Variants in ZMYND15 observed in about 807,000 individuals in gnomAD.
ZMYND15 encodes zinc finger MYND domain-containing protein 15.
Under a neutral mutation model 81.7 loss-of-function variants are expected in ZMYND15, and 54 were observed. The observed-to-expected ratio is 0.66, with a 90% CI of 0.53 to 0.83. ZMYND15 has a LOEUF of 0.83. Ranked by LOEUF, ZMYND15 falls within the 40% of genes least tolerant of loss-of-function variation. ZMYND15 has a pLI of 0.00. For missense variants in ZMYND15, 925 were observed against 973.5 expected, an observed-to-expected ratio of 0.95 and a Z score of 0.66; for synonymous variants, 399 against 387.0, an observed-to-expected ratio of 1.03 and a Z score of -0.36.
intron 5 of ZMYND15, 136 bp downstream of exon 5, chr17:4,742,627 G>T: frequency 8.1e-7 from 1 of 1,230,936 alleles, no homozygotes; most frequent in Non-Finnish European, 1.1e-6. Flanking sequence ...TGGAACAAGG[G>T]CAGGGGCTGG....
At position 4,743,518 on chromosome 17, in the gene ZMYND15, T is replaced by C; in HGVS notation, c.1297+63T>C. ...AGAGGGAAGGACTGGGAAGAAGTTG[T>C]CTGGGTCCCAGATGATCCCTCCACA... On this transcript the variant is annotated intron_variant, in intron 6 of 13. Transcript: ENST00000433935. This position sits in a 1 kb window ranked among gnomAD's most constrained non-coding sequence, Gnocchi z 4.3. The C allele has an allele frequency of 5.6e-6, 9 of 1,595,118 alleles. No homozygotes were observed. Among genetic ancestry groups the C allele is most frequent in the Non-Finnish European group, 7.7e-6 (9 of 1,172,416 alleles).
chr17:4,742,273 C>T, intron 4 of ZMYND15, 58 bp from the exon 5 acceptor site: 1 of 1,595,192 alleles, frequency 6.3e-7, no homozygotes, highest in Non-Finnish European at 8.6e-7. Context: ...GGCAGTTGAA[C>T]AGCAGACAGG....
In ZMYND15 at chr17:4,745,244, G is replaced by C; in HGVS notation, c.1926G>C (p.Glu642Asp). Residue 642 changes from glutamate to aspartate, a missense_variant, in exon 13 of 14, where the codon GAG (glutamate) becomes GAC (aspartate). Transcript: ENST00000433935. The surrounding 1 kb of genome is among the most constrained non-coding windows in gnomAD (Gnocchi z 5.2). ...QSLRVPAFFT[E>D]SSEYSCVMDG... is the part of the protein sequence containing the mutation. ...TCCGAGTGCCAGCCTTCTTCACCGA[G>C]AGCAGCGAGTACAGCTGTGTGATGG... 6.2e-7 allele frequency: 1 copy of C among 1,614,004 alleles called. No homozygotes were observed. The highest frequency in any genetic ancestry group is 8.5e-7 in the Non-Finnish European group (1 of 1,179,978).
Position 4,743,317 on chromosome 17 carries a change from A to C in ZMYND15, c.1159A>C (p.Thr387Pro). ...TCCTTCTCCAGAGGTGACCAGTGAA[A>C]CCTTCAACAAAGAGGCCTTCCTGGC... The part of the protein sequence containing the change: ...FTYTAEVTSE[T>P]FNKEAFLASR... The change falls in exon 6 of 14, where the codon ACC becomes CCC. Residue 387 changes from threonine (T) to proline (P), a missense_variant. Coordinates refer to ENST00000433935, the MANE Select transcript of ZMYND15 (RefSeq NM_001136046.3). The surrounding 1 kb of genome is among the most constrained non-coding windows in gnomAD (Gnocchi z 4.3). The C allele has an allele frequency of 1.2e-6, 2 of 1,613,560 alleles. No individual in the cohort carries two copies. The highest frequency in any genetic ancestry group is 1.7e-6 in the Non-Finnish European group (2 of 1,179,870).
chr17:4,743,463 G>A lies in ZMYND15; in HGVS notation c.1297+8G>A. On this transcript the variant is annotated splice_region_variant and intron_variant, in intron 6 of 13. Coordinates refer to ENST00000433935, the MANE Select transcript of ZMYND15 (RefSeq NM_001136046.3). The surrounding 1 kb of genome is among the most constrained non-coding windows in gnomAD (Gnocchi z 4.3). ...TCAGCCTTCTTCGCGGTGGTGCGTG[G>A]GGTCTCTCCAGGCATGGGCCCCTTG... The A allele has an allele frequency of 6.2e-7, 1 of 1,613,630 alleles. No homozygotes were observed. Among genetic ancestry groups the A allele is most frequent in the African/African-American group, 1.3e-5 (1 of 74,982 alleles).
chr17:4,742,589 G>C, intron 5 of ZMYND15, 98 bp downstream of exon 5: 1 of 1,479,900 alleles, frequency 6.8e-7, no homozygotes, highest in Non-Finnish European at 9.2e-7. Flanking sequence ...GTTGAAGGCT[G>C]AGTGTCTGGG....
rs768649378 is a variant in ZMYND15 at position 4,743,720 on chromosome 17, G to C, written c.1298-47G>C. 1 of 1,563,302 alleles carries C rather than the reference G, an allele frequency of 6.4e-7. No homozygotes were observed. The highest frequency in any genetic ancestry group is 8.7e-7 in the Non-Finnish European group (1 of 1,147,232). On this transcript the variant is annotated intron_variant, in intron 6 of 13. Coordinates refer to ENST00000433935, the MANE Select transcript of ZMYND15 (RefSeq NM_001136046.3). This position sits in a 1 kb window ranked among gnomAD's most constrained non-coding sequence, Gnocchi z 4.3. ...TGGAAGGAAGAAAGAGATGGGTCAG[G>C]TGGGGGTCTCCCTGACCCCAGGCCC...
rs1916420627 is a variant in ZMYND15 at position 4,741,673 on chromosome 17, G to C, written c.684G>C (p.Gln228His). 6.2e-7 allele frequency: 1 copy of C among 1,614,022 alleles called. No individual in the cohort carries two copies. The highest frequency in any genetic ancestry group is 1.1e-5 in the South Asian group (1 of 91,086). ...TTGATCTGCTAGTGGATGGAGCCCA[G>C]GGAACCGCAAGCTGGGGCTCAGGGA... is the stretch of plus-strand genomic sequence containing the variant. The part of the protein sequence containing the change: ...LGIDLLVDGA[Q>H]GTASWGSGTK... Residue 228 changes from glutamine to histidine, a missense_variant, in exon 3 of 14, where the codon CAG becomes CAC. Physicochemically the swap from Gln to His is conservative, Grantham distance 24. Coordinates refer to ENST00000433935, the MANE Select transcript of ZMYND15 (RefSeq NM_001136046.3).
In ZMYND15 at chr17:4,743,497, G is replaced by A. The variant is rs1173719270; in HGVS notation, c.1297+42G>A. On this transcript the variant is annotated intron_variant, in intron 6 of 13. Transcript: ENST00000433935. This position sits in a 1 kb window ranked among gnomAD's most constrained non-coding sequence, Gnocchi z 4.3. ...CAGGCATGGGCCCCTTGGCCTAGAG[G>A]GAAGGACTGGGAAGAAGTTGTCTGG... The A allele has an allele frequency of 3.1e-6, 5 of 1,605,632 alleles. No individual in the cohort carries two copies. Among genetic ancestry groups the A allele is most frequent in the Non-Finnish European group, 4.2e-6 (5 of 1,177,030 alleles).
At position 4,743,612 on chromosome 17, in the gene ZMYND15, C is replaced by T; in HGVS notation, c.1298-155C>T. ...TTTCCCAGCCCTCAATGGAATCACC[C>T]CTACCAACTCCACCCAGAAACCCCA... On this transcript the variant is annotated intron_variant, in intron 6 of 13. Transcript: ENST00000433935. The surrounding 1 kb of genome is among the most constrained non-coding windows in gnomAD (Gnocchi z 4.3). 1 of 1,290,672 alleles carries T rather than the reference C, an allele frequency of 7.7e-7. No homozygotes were observed. The highest frequency in any genetic ancestry group is 2.5e-5 in the Admixed American group (1 of 40,270). The allele number at this position is 1,290,672 out of a possible 1,614,324, so 80.0% of individuals were successfully genotyped here. A position where few individuals can be genotyped will look rare whatever the true frequency, so the allele number is the denominator to read the frequency against.
At chr17:4,740,149 C>A (rs1374250650) in intron 1 of ZMYND15, 99 bp downstream of exon 1, 7 of 883,400 alleles carry the variant, frequency 7.9e-6, no homozygotes, top group Non-Finnish European at 9.5e-6. Context: ...CACTCCCATA[C>A]CCCACAGACG....
Position 4,742,038 on chromosome 17 carries a change from C to T in ZMYND15, c.951C>T (p.His317=). The change falls in exon 4 of 14, where the codon CAC becomes CAT. Residue 317 remains histidine (H), a synonymous_variant. Coordinates refer to ENST00000433935, the MANE Select transcript of ZMYND15 (RefSeq NM_001136046.3). ...GTGCTCGAACCTGCCATGTGTGTCA[C>T]AGGCACAGCTTTGAAGCGAAGCTGA... ...SLRARTCHVC[H]RHSFEAKLTP... 6.2e-7 allele frequency: 1 copy of T among 1,614,192 alleles called. No homozygotes were observed. The highest frequency in any genetic ancestry group is 8.5e-7 in the Non-Finnish European group (1 of 1,180,040).
At position 4,742,389 on chromosome 17, in the gene ZMYND15, C is replaced by T. The variant is rs199959461; in HGVS notation, c.1042C>T (p.Arg348Trp). ...GEACLRADWQ[R>W]CPDDVSHRFW... ...GGCTTGTCTCCGGGCTGACTGGCAG[C>T]GGTGCCCAGATGATGTGAGTCACCG... Residue 348 changes from arginine to tryptophan, a missense_variant, in exon 5 of 14, where the codon CGG (arginine) becomes TGG (tryptophan). By Grantham distance (101) the Arg-to-Trp change is moderately radical. Transcript: ENST00000433935. The T allele has an allele frequency of 1.4e-5, 22 of 1,614,134 alleles. No homozygotes were observed. In the East Asian group the frequency reaches 2.9e-4, roughly 21 times the overall value.
rs1490025627 is a variant in ZMYND15, at chr17:4,742,046, G to T, written c.959G>T (p.Ser320Ile). ...ACCTGCCATGTGTGTCACAGGCACA[G>T]CTTTGAAGCGAAGCTGACACCTTGG... ...ARTCHVCHRH[S>I]FEAKLTPCPQ... Residue 320 changes from serine (S) to isoleucine (I), a missense_variant, in exon 4 of 14, where the codon AGC becomes ATC. By Grantham distance (142) the Ser-to-Ile change is moderately radical. Coordinates refer to ENST00000433935, the MANE Select transcript of ZMYND15 (RefSeq NM_001136046.3). 1 of 1,614,196 alleles carries T rather than the reference G, an allele frequency of 6.2e-7. No individual in the cohort carries two copies. Among genetic ancestry groups the T allele is most frequent in the South Asian group, 1.1e-5 (1 of 91,084 alleles).
In ZMYND15 at chr17:4,740,837, C is replaced by G. The variant is rs1567697409; in HGVS notation, c.289C>G (p.Leu97Val). Residue 97 changes from leucine (L) to valine (V), a missense_variant, in exon 2 of 14, where the codon CTG becomes GTG. Coordinates refer to ENST00000433935, the MANE Select transcript of ZMYND15 (RefSeq NM_001136046.3). ...CCTGGGAGACAACCCTCCACTCCAC[C>G]TGCGAGACCTGAGCCCCTACATCAG... ...WLLGDNPPLH[L>V]RDLSPYISFV... The G allele has an allele frequency of 6.3e-7, 1 of 1,578,386 alleles. No homozygotes were observed. Among genetic ancestry groups the G allele is most frequent in the South Asian group, 1.2e-5 (1 of 86,390 alleles).
chr17:4,741,117 A>C lies in ZMYND15; in HGVS notation c.569A>C (p.Gln190Pro). 1 of 1,502,406 alleles carries C rather than the reference A, an allele frequency of 6.7e-7. No individual in the cohort carries two copies. Among genetic ancestry groups the C allele is most frequent in the East Asian group, 2.5e-5 (1 of 40,430 alleles). 93.1% of individuals were successfully genotyped at this position (1,502,406 alleles called of 1,614,324 possible). The change falls in exon 2 of 14, where the codon CAG becomes CCG. Residue 190 changes from glutamine to proline, a missense_variant. Gln to Pro is a moderately conservative substitution (Grantham distance 76, BLOSUM62 -1). Transcript: ENST00000433935. ...AGGGTGGAGAACGAAACAAGACCCC[A>C]GAAGAGGAAGGGACAGAGGAGTGGT... ...EDRVENETRP[Q>P]KRKGQRSEAA...
chr17:4,740,892 G>A lies in ZMYND15; in HGVS notation c.344G>A (p.Gly115Glu), dbSNP rs780014016. 47 of 1,581,086 alleles carry A rather than the reference G, an allele frequency of 3.0e-5. No individual in the cohort carries two copies. The highest frequency in any genetic ancestry group is 1.7e-4 in the Middle Eastern group (1 of 5,876). The part of the protein sequence containing the change: ...SFVSLEDGEE[G>E]EEEEEEDEEE... ...GTCAGCCTAGAGGATGGGGAGGAAG[G>A]GGAGGAGGAAGAGGAGGAAGATGAA... Residue 115 changes from glycine to glutamate, a missense_variant, in exon 2 of 14, where the codon GGG becomes GAG. Physicochemically the swap from Gly to Glu is moderately conservative, Grantham distance 98. Transcript: ENST00000433935.
chr17:4,742,904 C>T (rs1479932146), intron 5 of ZMYND15, among the ~76,000 whole-genome samples: 2 of 152,126 alleles, frequency 1.3e-5, no homozygotes, highest in Non-Finnish European at 2.9e-5. Context: ...TGGTAGTTCC[C>T]GGCCTGACTG....
Position 4,744,169 on chromosome 17 carries a change from A to C in ZMYND15, c.1496-21A>C. The C allele has an allele frequency of 6.2e-7, 1 of 1,613,824 alleles. No homozygotes were observed. The highest frequency in any genetic ancestry group is 8.5e-7 in the Non-Finnish European group (1 of 1,179,900). On this transcript the variant is annotated intron_variant, in intron 8 of 13. Transcript: ENST00000433935. This position sits in a 1 kb window ranked among gnomAD's most constrained non-coding sequence, Gnocchi z 4.1. ...GGAGTGAGAGTGGACCACATCCTTA[A>C]AGCGCTGGTTTTTCACCCAGTCCCT...
Sources: gnomAD v4.1 joint callset for allele counts (sites outside exome capture counted in the v4.1 genomes callset) on GRCh38, gnomAD v4.1.1 for gene constraint, Gnocchi (gnomAD v3.1) non-coding constraint, MANE v1.5 for transcripts, NCBI Gene and HGNC (gene_info 2026-07-23, HGNC 2026-07-21) for gene names.